The following SLC7A11 variants were observed in gnomAD, a reference collection of about 807,000 sequenced individuals.
SLC7A11 encodes solute carrier family 7 member 11.
A neutral mutation model predicts 54.5 loss-of-function variants in SLC7A11; 35 were observed. The observed-to-expected ratio is 0.64, with a 90% CI of 0.49 to 0.85. The LOEUF is 0.85. Among genes scored for constraint, SLC7A11 ranks in the 40% least tolerant of loss-of-function variants. The probability of loss-of-function intolerance (pLI) is 0.00; values close to 1 mark genes in which losing one functional copy is unlikely to be tolerated. For synonymous variants in SLC7A11, 230 were observed against 225.2 expected, an observed-to-expected ratio of 1.02 and a Z score of -0.19; for missense variants, 583 against 618.1, an observed-to-expected ratio of 0.94 and a Z score of 0.60.
chr4:138,230,238 T>C (rs116587890), intron 3 of SLC7A11, among the ~76,000 whole-genome samples: 4,040 of 151,958 alleles, frequency 0.027, 111 homozygotes, highest in African/African-American at 0.075. Flanking sequence ...AAAGGGGAAC[T>C]ACAGACACTG....
Position 138,164,160 on chromosome 4 carries a change from C to CA in SLC7A11, c.*7795dup, listed in dbSNP as rs796180412. The CA allele has an allele frequency of 8.5e-5, 13 of 152,256 alleles. No individual in the cohort carries two copies. Among genetic ancestry groups the CA allele is most frequent in the African/African-American group, 2.9e-4 (12 of 41,312 alleles). 9.4% of individuals were successfully genotyped at this position (152,256 alleles called of 1,614,324 possible). A position where few individuals can be genotyped will look rare whatever the true frequency, so the allele number is the denominator to read the frequency against. ...AAAATATTTTCAAGTAAAATATGTA[C>CA]AAAAATGGTTATAAAATGGTTGAAG... is the stretch of plus-strand genomic sequence containing the variant. On this transcript the variant is annotated 3_prime_UTR_variant, in exon 12 of 12. Transcript: ENST00000280612.
intron 5 of SLC7A11, among the ~76,000 whole-genome samples, chr4:138,217,628 T>C (rs75634630): frequency 0.013 from 2,019 of 152,300 alleles, 28 homozygotes; most frequent in African/African-American, 0.033. Flanking sequence ...GCAAAAGAAA[T>C]TTCATTCAAC....
chr4:138,183,459 C>T (rs1156548896), intron 7 of SLC7A11, among the ~76,000 whole-genome samples, 154 bp from the exon 8 acceptor site: 2 of 152,076 alleles, frequency 1.3e-5, no homozygotes, highest in African/African-American at 4.8e-5. Context: ...AGACTAACTC[C>T]GTAGACAATA....
At chr4:138,197,304 C>T (rs1737161888) in intron 6 of SLC7A11, among the ~76,000 whole-genome samples, 1 of 151,952 alleles carries the variant, frequency 6.6e-6, no homozygotes, top group South Asian at 2.1e-4. Flanking sequence ...AACATTTTGG[C>T]ATTTGCTATG....
intron 6 of SLC7A11, among the ~76,000 whole-genome samples, chr4:138,186,863 C>T (rs1233200674): frequency 6.6e-6 from 1 of 152,114 alleles, no homozygotes; most frequent in Non-Finnish European, 1.5e-5. Flanking sequence ...ACCTTGAATC[C>T]TTTCAGCTTT....
chr4:138,171,517 G>A lies in SLC7A11; in HGVS notation c.*439C>T, dbSNP rs1257322062. ...CTCTCCTCTTTGCCATAATCATGAT[G>A]TATGCTTTTTTTCAGAATTGAAAAC... On this transcript the variant is annotated 3_prime_UTR_variant, in exon 12 of 12. Coordinates refer to ENST00000280612, the MANE Select transcript of SLC7A11 (RefSeq NM_014331.4). 1 of 153,856 alleles carries A rather than the reference G, an allele frequency of 6.5e-6. No homozygotes were observed. The highest frequency in any genetic ancestry group is 1.4e-5 in the Non-Finnish European group (1 of 68,970). The allele number at this position is 153,856 out of a possible 1,614,324, so 9.5% of individuals were successfully genotyped here. A position where few individuals can be genotyped will look rare whatever the true frequency, so the allele number is the denominator to read the frequency against.
chr4:138,228,758 CAAAAAAAAAA>C (rs5862371), intron 3 of SLC7A11, among the ~76,000 whole-genome samples: 2 of 67,776 alleles, frequency 3.0e-5, no homozygotes, highest in African/African-American at 6.0e-5. Context: ...GACTCCGTCT[CAAAAAAAAAA>C]AAAAAAAAAA....
chr4:138,219,438 G>A (rs904583511), intron 4 of SLC7A11, 73 bp from the exon 5 acceptor site: 5 of 829,354 alleles, frequency 6.0e-6, no homozygotes, highest in Admixed American at 1.9e-5. Context: ...CAGAAACATG[G>A]GGGTGCGGAG....
At chr4:138,236,580 T>C in intron 1 of SLC7A11, 129 bp from the exon 2 acceptor site, 1 of 825,250 alleles carries the variant, frequency 1.2e-6, no homozygotes, top group South Asian at 1.9e-5. Flanking sequence ...AATGGCATCC[T>C]TACTCAAGAC....
chr4:138,180,352 G>C (rs1736705578), intron 10 of SLC7A11, among the ~76,000 whole-genome samples: 1 of 151,958 alleles, frequency 6.6e-6, no homozygotes, highest in Admixed American at 6.6e-5. Context: ...AGTATATCAG[G>C]TCATTGAACA....
At chr4:138,241,688 G>T in intron 1 of SLC7A11, 105 bp downstream of exon 1, 1 of 884,958 alleles carries the variant, frequency 1.1e-6, no homozygotes, top group Non-Finnish European at 1.8e-6. Context: ...ATTTGGTGTG[G>T]CCTTTGCCAT....
intron 3 of SLC7A11, among the ~76,000 whole-genome samples, chr4:138,227,633 G>C (rs1189788217): frequency 1.3e-5 from 2 of 152,160 alleles, no homozygotes; most frequent in African/African-American, 2.4e-5. Flanking sequence ...TAACAGTGAA[G>C]ATGGGTCTGG....
Position 138,179,238 on chromosome 4 carries a change from T to C in SLC7A11, c.1423A>G (p.Arg475Gly). The change falls in exon 11 of 12, where the codon AGG becomes GGG. Residue 475 changes from arginine to glycine, a missense_variant. Transcript: ENST00000280612. ...YLFIIWDKKP[R>G]WFRIMSEKIT... is the part of the protein sequence containing the mutation. ...TTACCCGACATTATTCTAAACCACCTGGGTTTCTTGTCCCATATAATAAAG... is the reference window on the plus strand; with the variant it reads ...TTACCCGACATTATTCTAAACCACCCGGGTTTCTTGTCCCATATAATAAAG... 4 of 1,610,350 alleles carry C rather than the reference T, an allele frequency of 2.5e-6. No individual in the cohort carries two copies. The highest frequency in any genetic ancestry group is 2.2e-5 in the South Asian group (2 of 90,944).
chr4:138,182,262 G>A, intron 9 of SLC7A11, 35 bp downstream of exon 9: 1 of 1,304,562 alleles, frequency 7.7e-7, no homozygotes. Flanking sequence ...TATTATTCAA[G>A]GTTATATCTA....
Position 138,237,719 on chromosome 4 carries a change from ATATATATATATATATATATTTTTTTT to A in SLC7A11, c.278-1294_278-1269del, listed in dbSNP as rs1738252748. 1.1e-3 allele frequency among the ~76,000 whole-genome samples: 8 copies of A among 7,536 alleles called. 1 individual carries two copies. The highest frequency in any genetic ancestry group is 3.2e-3 in the African/African-American group (8 of 2,482). The allele number at this position is 7,536 out of a possible 152,430, so 4.9% of individuals were successfully genotyped here. On this transcript the variant is annotated intron_variant, in intron 1 of 11. Transcript: ENST00000280612. ...AGCCAGAATATATATATATATATATATATATATATATATATATATTTTTTTTTTTTTTTTTTTTTTTTTTTTTTTGA... is the reference window on the plus strand; with the variant it reads ...AGCCAGAATATATATATATATATATATTTTTTTTTTTTTTTTTTTTTTTGA...
Position 138,169,548 on chromosome 4 carries a change from AAAAT to A in SLC7A11, c.*2404_*2407del, listed in dbSNP as rs1198283612. The A allele has an allele frequency of 6.6e-6, 1 of 152,190 alleles. No homozygotes were observed. The highest frequency in any genetic ancestry group is 1.5e-5 in the Non-Finnish European group (1 of 68,022). The allele number at this position is 152,190 out of a possible 1,614,324, so 9.4% of individuals were successfully genotyped here. On this transcript the variant is annotated 3_prime_UTR_variant, in exon 12 of 12. Transcript: ENST00000280612. Reference sequence around the variant, plus strand: ...TACTTTTAAAGAGAAATTCAAATCAAAAATAAATAAATTAAAGTCTGAGACCAAT... The same window carrying A: ...TACTTTTAAAGAGAAATTCAAATCAAAAATAAATTAAAGTCTGAGACCAAT...
intron 6 of SLC7A11, among the ~76,000 whole-genome samples, chr4:138,193,297 TATAAG>T (rs1476712738): frequency 1.3e-5 from 2 of 152,176 alleles, no homozygotes; most frequent in African/African-American, 4.8e-5. Flanking sequence ...GGAATTAGAA[TATAAG>T]ATAAGCAATG....
Position 138,172,030 on chromosome 4 carries a change from A to G in SLC7A11, c.1445-13T>C. The G allele has an allele frequency of 6.3e-7, 1 of 1,575,350 alleles. No homozygotes were observed. The highest frequency in any genetic ancestry group is 8.6e-7 in the Non-Finnish European group (1 of 1,166,862). On this transcript the variant is annotated splice_polypyrimidine_tract_variant and intron_variant, in intron 11 of 11. Coordinates refer to ENST00000280612, the MANE Select transcript of SLC7A11 (RefSeq NM_014331.4). ...CTGGTTATTTTCTCTACAAAGAAAT[A>G]AAAATGAATTAAAAATGCATGGAAA... is the stretch of plus-strand genomic sequence containing the variant.
chr4:138,179,138 A>T, intron 11 of SLC7A11, 79 bp downstream of exon 11: 1 of 911,266 alleles, frequency 1.1e-6, no homozygotes, highest in Non-Finnish European at 1.7e-6. Context: ...TTTAAATGTT[A>T]AGTATATTAT....
Sources: gnomAD v4.1 joint callset for allele counts (sites outside exome capture counted in the v4.1 genomes callset) on GRCh38, gnomAD v4.1.1 for gene constraint, MANE v1.5 for transcripts, NCBI Gene and HGNC (gene_info 2026-07-23, HGNC 2026-07-21) for gene names.